SI: variants seen among roughly 807,000 people sequenced by gnomAD.
The protein encoded by SI is sucrase-isomaltase, also known as sucrase-isomaltase, intestinal.
A neutral mutation model predicts 253.3 loss-of-function variants in SI; 235 were observed. That is an observed-to-expected ratio of 0.93 (90% CI 0.83 to 1.03). The LOEUF is 1.03. SI is among the 50% of genes least tolerant of loss of function. SI has a pLI of 0.00. For synonymous variants in SI, 819 were observed against 712.0 expected, an observed-to-expected ratio of 1.15 and a Z score of -2.39; for missense variants, 2,442 against 2,211.1, an observed-to-expected ratio of 1.10 and a Z score of -2.09.
At chr3:165,085,983 G>A in the SI span, among the ~76,000 whole-genome samples, 1 of 152,094 alleles carries the variant, frequency 6.6e-6, no homozygotes, top group South Asian at 2.1e-4. Flanking sequence ...GCCAGGTGTG[G>A]TGATTCACCC....
Position 165,055,207 on chromosome 3 carries a change from T to C in SI, c.1499A>G (p.Asp500Gly). Reference protein sequence around the residue: ...CSIFHQEVQYDGLWIDMNEVS... With the variant: ...CSIFHQEVQYGGLWIDMNEVS... ...ATAGCTACTTACAATCCAAAGTCCA[T>C]CATATTGCACTTCTTGATGGAAAAT... The change falls in exon 13 of 48, where the codon GAT becomes GGT. Residue 500 changes from aspartate (D) to glycine (G), a missense_variant. Asp to Gly is a moderately conservative substitution (Grantham distance 94). Coordinates refer to ENST00000264382, the MANE Select transcript of SI (RefSeq NM_001041.4). The C allele has an allele frequency of 6.2e-7, 1 of 1,601,284 alleles. No homozygotes were observed. Among genetic ancestry groups the C allele is most frequent in the Non-Finnish European group, 8.6e-7 (1 of 1,168,914 alleles).
At position 164,989,981 on chromosome 3, in the gene SI, G is replaced by C. The variant is rs530352955; in HGVS notation, c.5108+1372C>G. Among the ~76,000 whole-genome samples, 9 of 152,226 alleles carry C rather than the reference G, an allele frequency of 5.9e-5. No homozygotes were observed. The South Asian group carries it at 1.7e-3, about 28-fold the overall frequency. ...TTAGGTCAGTAAAACAATTCTAAAG[G>C]ACACCAGTGGTGGATGCGGGTCATC... On this transcript the variant is annotated intron_variant, in intron 44 of 47. Transcript: ENST00000264382.
rs1193627786 is a variant in SI, at chr3:165,040,942, A to C, written c.2157T>G (p.His719Gln). ...FGETVARPVL[H>Q]EFYEDTNSWI... ...TAATTATTGTACGTAGTACTCACTC[A>C]TGAAGAACTGGTCTTGCTACTGTTT... Residue 719 changes from histidine (H) to glutamine (Q), a missense_variant and splice_region_variant, in exon 18 of 48, where the codon CAT (histidine) becomes CAG (glutamine). Coordinates refer to ENST00000264382, the MANE Select transcript of SI (RefSeq NM_001041.4). 5 of 1,607,950 alleles carry C rather than the reference A, an allele frequency of 3.1e-6. No homozygotes were observed. Among genetic ancestry groups the C allele is most frequent in the Non-Finnish European group, 4.3e-6 (5 of 1,174,852 alleles).
intron 44 of SI, among the ~76,000 whole-genome samples, chr3:164,989,382 AAGAAAGGAAG>A: frequency 2.8e-5 from 2 of 70,818 alleles, no homozygotes; most frequent in East Asian, 1.0e-3. Context: ...GGAAGAAAGA[AAGAAAGGAAG>A]AAAGAAAGAA....
chr3:165,011,188 G>C (rs1008736052), intron 34 of SI, among the ~76,000 whole-genome samples: 1 of 151,600 alleles, frequency 6.6e-6, no homozygotes, highest in African/African-American at 2.4e-5. Flanking sequence ...CTAATTCATT[G>C]AGAGGTAATG....
chr3:165,006,210 G>C (rs978296317), intron 37 of SI, among the ~76,000 whole-genome samples: 1 of 152,168 alleles, frequency 6.6e-6, no homozygotes, highest in Non-Finnish European at 1.5e-5. Context: ...CCAGGTCCAA[G>C]CGATTCTTGT....
At position 165,067,374 on chromosome 3, in the gene SI, T is replaced by A. The variant is rs1245504039; in HGVS notation, c.601A>T (p.Ile201Phe). 6.2e-7 allele frequency: 1 copy of A among 1,611,664 alleles called. No homozygotes were observed. Among genetic ancestry groups the A allele is most frequent in the South Asian group, 1.1e-5 (1 of 90,780 alleles). The change falls in exon 6 of 48, where the codon ATC (isoleucine) becomes TTC (phenylalanine). Residue 201 changes from isoleucine to phenylalanine, a missense_variant. Coordinates refer to ENST00000264382, the MANE Select transcript of SI (RefSeq NM_001041.4). Reference sequence around the variant, plus strand: ...CCGTTGCTTTTCCTAATAACTTGGATGCTAAATGGGTTTTGGGCAACCTTC... The same window carrying A: ...CCGTTGCTTTTCCTAATAACTTGGAAGCTAAATGGGTTTTGGGCAACCTTC... ...DVKVAQNPFS[I>F]QVIRKSNGKT...
the SI span, among the ~76,000 whole-genome samples, chr3:165,089,728 C>T: frequency 6.6e-6 from 1 of 152,086 alleles, no homozygotes; most frequent in Non-Finnish European, 1.5e-5. Context: ...CTCAAATGAA[C>T]CTGGATTGGA....
intron 13 of SI, among the ~76,000 whole-genome samples, chr3:165,054,561 G>T (rs1713594412): frequency 6.6e-6 from 1 of 151,970 alleles, no homozygotes. Context: ...CACCATGTTG[G>T]TCGGGCTGGT....
rs1576918208 is a variant in SI at position 165,063,457 on chromosome 3, T to C, written c.892A>G (p.Asn298Asp). The change falls in exon 8 of 48, where the codon AAT becomes GAT. Residue 298 changes from asparagine to aspartate, a missense_variant. Physicochemically the swap from Asn to Asp is conservative, Grantham distance 23 (BLOSUM62 1). Coordinates refer to ENST00000264382, the MANE Select transcript of SI (RefSeq NM_001041.4). ...TTATTCTTACCCATTGCATTGCTAT[T>C]CATTAAAAAAACACCGAATGACTTT... is the stretch of plus-strand genomic sequence containing the variant. The part of the protein sequence containing the change: ...SGKSFGVFLM[N>D]SNAMEIFIQP... The C allele has an allele frequency of 6.8e-7, 1 of 1,477,042 alleles. No homozygotes were observed. Among genetic ancestry groups the C allele is most frequent in the Non-Finnish European group, 9.5e-7 (1 of 1,057,434 alleles). 91.5% of individuals were successfully genotyped at this position (1,477,042 alleles called of 1,614,324 possible).
chr3:165,036,645 A>G (rs1255916914), intron 21 of SI, among the ~76,000 whole-genome samples, 168 bp from the exon 22 acceptor site: 1 of 151,898 alleles, frequency 6.6e-6, no homozygotes, highest in Non-Finnish European at 1.5e-5. Flanking sequence ...ACCGATACCA[A>G]TGTTCTTATG....
At chr3:164,989,752 T>C (rs1053740288) in intron 44 of SI, among the ~76,000 whole-genome samples, 4 of 152,138 alleles carry the variant, frequency 2.6e-5, no homozygotes, top group African/African-American at 9.7e-5. Flanking sequence ...TATTCAGTGC[T>C]AAAAAGAAAT....
chr3:165,062,095 A>G (rs1714010905), intron 9 of SI, among the ~76,000 whole-genome samples: 1 of 152,004 alleles, frequency 6.6e-6, no homozygotes, highest in African/African-American at 2.4e-5. Context: ...AAGTAAATAT[A>G]TAATATTCAA....
chr3:164,989,385 AAAGG>A (rs763333994), intron 44 of SI, among the ~76,000 whole-genome samples: 19,536 of 75,390 alleles, frequency 0.26, 1,938 homozygotes, highest in Non-Finnish European at 0.31. Context: ...AGAAAGAAAG[AAAGG>A]AAGAAAGAAA....
At chr3:164,984,338 A>G (rs1449036140) in intron 45 of SI, among the ~76,000 whole-genome samples, 1 of 152,158 alleles carries the variant, frequency 6.6e-6, no homozygotes, top group African/African-American at 2.4e-5. Flanking sequence ...ACTAAAATGG[A>G]TATTCTGCCT....
chr3:165,081,354 T>C (rs1381235134), upstream of SI, among the ~76,000 whole-genome samples: 1 of 152,016 alleles, frequency 6.6e-6, no homozygotes, highest in East Asian at 1.9e-4. Flanking sequence ...AAGTGAATCA[T>C]AACTGGTGAT....
chr3:164,982,255 G>C lies in SI; in HGVS notation c.5403C>G (p.Asp1801Glu). The change falls in exon 47 of 48, where the codon GAC becomes GAG. Residue 1801 changes from aspartate (D) to glutamate (E), a missense_variant. By Grantham distance (45) the Asp-to-Glu change is conservative. Coordinates refer to ENST00000264382, the MANE Select transcript of SI (RefSeq NM_001041.4). ...GNKNSLPFNE[D>E]TTNMILRIDL... ...TTACATTACTTACCATGTTGGTAGT[G>C]TCTTCATTAAAAGGAAGCGAATTTT... is the stretch of plus-strand genomic sequence containing the variant. The C allele has an allele frequency of 1.4e-5, 23 of 1,612,106 alleles. No individual in the cohort carries two copies. The highest frequency in any genetic ancestry group is 2.0e-5 in the Non-Finnish European group (23 of 1,178,636).
At chr3:165,070,186 A>G (rs1296339062) in intron 3 of SI, among the ~76,000 whole-genome samples, 2 of 87,902 alleles carry the variant, frequency 2.3e-5, no homozygotes, top group East Asian at 1.2e-3. Context: ...ATATTTATTT[A>G]TATATAAAGT....
chr3:165,007,010 C>T (rs1026189137), intron 36 of SI, 56 bp from the exon 37 acceptor site: 23 of 1,210,900 alleles, frequency 1.9e-5, no homozygotes, highest in South Asian at 2.6e-5. Context: ...TACAATGAAA[C>T]GTGTAACTCA....
Sources: allele counts gnomAD v4.1 joint callset (sites outside exome capture counted in the v4.1 genomes callset), GRCh38; gene constraint gnomAD v4.1.1; transcripts MANE v1.5; gene names NCBI Gene and HGNC (gene_info 2026-07-23, HGNC 2026-07-21).